SNAP91: variants seen among roughly 807,000 people sequenced by gnomAD.
SNAP91 encodes the protein clathrin coat assembly protein AP180.
In SNAP91, 27 loss-of-function variants were observed where a neutral mutation model predicts 100.3. The ratio of observed to expected loss-of-function variants is 0.27; its 90% CI spans 0.20 to 0.37. The LOEUF is 0.37. Ranked by LOEUF, SNAP91 falls within the 10% of genes least tolerant of loss-of-function variation. SNAP91 has a pLI of 1.00. For synonymous variants in SNAP91, 404 were observed against 398.6 expected (o/e 1.01, Z -0.16); for missense variants, 986 against 1,123.7 (o/e 0.88, Z 1.75).
intron 28 of SNAP91, 137 bp from the exon 29 acceptor site, chr6:83,556,382 A>G (rs1778781969): frequency 1.9e-6 from 1 of 515,582 alleles, no homozygotes; most frequent in African/African-American, 2.0e-5. Flanking sequence ...AGAGAGAGAG[A>G]GAGAGAGAGA....
In SNAP91 at chr6:83,709,055, C is replaced by T. The variant is rs191532950; in HGVS notation, c.-241G>A. 0.013 allele frequency: 2,015 copies of T among 153,746 alleles called. 26 individuals are homozygous for T. Among genetic ancestry groups the T allele is most frequent in the East Asian group, 0.028 (147 of 5,206 alleles). 9.5% of individuals were successfully genotyped at this position (153,746 alleles called of 1,614,324 possible). On this transcript the variant is annotated 5_prime_UTR_variant, in exon 1 of 30. Transcript: ENST00000369694. The stretch of plus-strand genomic sequence containing the variant: ...CCAGAAGCCAGTACCCGCCCGCCGC[C>T]GCCTCTTCTGCCAGCGCCGCCGCGT...
At chr6:83,625,791 C>T (rs1408834952) in intron 8 of SNAP91, among the ~76,000 whole-genome samples, 1 of 151,960 alleles carries the variant, frequency 6.6e-6, no homozygotes, top group Non-Finnish European at 1.5e-5. Context: ...TGGTCAGAAA[C>T]AAAGGTGAAG....
At position 83,638,624 on chromosome 6, in the gene SNAP91, A is replaced by T. The variant is rs572907575; in HGVS notation, c.765+2472T>A. On this transcript the variant is annotated intron_variant, in intron 8 of 29. Coordinates refer to ENST00000369694, the MANE Select transcript of SNAP91 (RefSeq NM_001242792.2). ...GAAGGCACTGAAAGAGGCATTTTTT[A>T]AAATAAAAATATTATGGATCCCTAA... Among the ~76,000 whole-genome samples, 4 of 152,326 alleles carry T rather than the reference A, an allele frequency of 2.6e-5. No individual in the cohort carries two copies. The South Asian group carries it at 8.3e-4, about 32-fold the overall frequency.
chr6:83,563,213 G>A (rs1791073756), intron 26 of SNAP91, among the ~76,000 whole-genome samples: 1 of 152,158 alleles, frequency 6.6e-6, no homozygotes, highest in South Asian at 2.1e-4. Context: ...AGGCCTGTCA[G>A]GGCAGGGTTA....
intron 25 of SNAP91, 151 bp from the exon 26 acceptor site, chr6:83,575,272 G>A (rs2128079847): frequency 1.6e-6 from 1 of 621,640 alleles, no homozygotes; most frequent in South Asian, 2.0e-5. Context: ...AAAACTTACA[G>A]AGGAATCTTG....
At chr6:83,619,401 G>C (rs1231304124) in intron 9 of SNAP91, among the ~76,000 whole-genome samples, 1 of 152,184 alleles carries the variant, frequency 6.6e-6, no homozygotes, top group African/African-American at 2.4e-5. Context: ...GCATGCAGTA[G>C]ACAATAAATG....
intron 2 of SNAP91, among the ~76,000 whole-genome samples, chr6:83,695,385 A>G (rs1257670388): frequency 6.6e-6 from 1 of 151,996 alleles, no homozygotes; most frequent in African/African-American, 2.4e-5. Context: ...TTTCTTTTCC[A>G]TGTCAAATAT....
intron 7 of SNAP91, among the ~76,000 whole-genome samples, chr6:83,645,847 A>G (rs968888666): frequency 6.6e-6 from 1 of 152,128 alleles, no homozygotes; most frequent in Non-Finnish European, 1.5e-5. Flanking sequence ...TAAGACCTCC[A>G]CTAAACACCA....
chr6:83,691,487 A>G (rs539250461), intron 2 of SNAP91, among the ~76,000 whole-genome samples: 20 of 152,240 alleles, frequency 1.3e-4, no homozygotes, highest in African/African-American at 4.8e-4. Flanking sequence ...ACAACTACTG[A>G]TGGTCATTTT....
intron 2 of SNAP91, among the ~76,000 whole-genome samples, chr6:83,669,192 T>G (rs148975924): frequency 8.5e-5 from 13 of 152,132 alleles, no homozygotes; most frequent in African/African-American, 3.1e-4. Flanking sequence ...AGAGAATTGC[T>G]AGGTTGTAGG....
At chr6:83,570,638 C>T (rs1805564148) in intron 26 of SNAP91, among the ~76,000 whole-genome samples, 1 of 152,080 alleles carries the variant, frequency 6.6e-6, no homozygotes, top group Admixed American at 6.5e-5. Flanking sequence ...AGTGTCCCGG[C>T]TGCTCCAGCT....
At chr6:83,579,883 T>A (rs1486342835) in intron 24 of SNAP91, among the ~76,000 whole-genome samples, 1 of 152,186 alleles carries the variant, frequency 6.6e-6, no homozygotes, top group Admixed American at 6.5e-5. Context: ...GTCTGTTCTG[T>A]TTTTTCTCCA....
intron 11 of SNAP91, among the ~76,000 whole-genome samples, chr6:83,612,930 A>G (rs1325779326): frequency 6.6e-6 from 1 of 151,828 alleles, no homozygotes; most frequent in African/African-American, 2.4e-5. Flanking sequence ...AGCTTTAGAA[A>G]TACATTTCCA....
At chr6:83,588,697 T>A (rs982643999) in intron 22 of SNAP91, among the ~76,000 whole-genome samples, 1 of 152,122 alleles carries the variant, frequency 6.6e-6, no homozygotes, top group Non-Finnish European at 1.5e-5. Flanking sequence ...GTTACTGACT[T>A]CTAACTTGGA....
At chr6:83,693,943 G>A (rs2099162541) in intron 2 of SNAP91, among the ~76,000 whole-genome samples, 1 of 152,192 alleles carries the variant, frequency 6.6e-6, no homozygotes, top group African/African-American at 2.4e-5. Context: ...GATTGACAGT[G>A]ACAATCTAAA....
chr6:83,661,677 T>C, intron 4 of SNAP91, 73 bp from the exon 5 acceptor site: 1 of 773,494 alleles, frequency 1.3e-6, no homozygotes, highest in Non-Finnish European at 2.1e-6. Flanking sequence ...AGTACTATTT[T>C]TTTTTAACTC....
intron 2 of SNAP91, among the ~76,000 whole-genome samples, chr6:83,704,051 G>A (rs1158625754): frequency 6.6e-6 from 1 of 152,074 alleles, no homozygotes; most frequent in African/African-American, 2.4e-5. Context: ...GTAGGTACTG[G>A]GTGCCTATTA....
chr6:83,690,434 G>C (rs1274465209), intron 2 of SNAP91: 1 of 1,287,250 alleles, frequency 7.8e-7, no homozygotes, highest in African/African-American at 1.5e-5. Context: ...AAGGTTTGTA[G>C]GTCTACGAAA....
chr6:83,649,354 T>C (rs2098096392), intron 7 of SNAP91, among the ~76,000 whole-genome samples: 1 of 152,182 alleles, frequency 6.6e-6, no homozygotes, highest in East Asian at 1.9e-4. Context: ...AGTTTCTTGT[T>C]GTATGGAACT....
Sources: allele counts gnomAD v4.1 joint callset (sites outside exome capture counted in the v4.1 genomes callset), GRCh38; gene constraint gnomAD v4.1.1; transcripts MANE v1.5; gene names NCBI Gene and HGNC (gene_info 2026-07-23, HGNC 2026-07-21).